Variants in NME9 observed in about 807,000 individuals in gnomAD.
The protein encoded by NME9 is thioredoxin domain-containing protein 6.
In NME9, 48 loss-of-function variants were observed where a neutral mutation model predicts 44.4. That is an observed-to-expected ratio of 1.08 (90% CI 0.86 to 1.37). NME9 has a LOEUF of 1.37. Among genes scored for constraint, NME9 ranks in the 40% most tolerant of loss-of-function variants. The pLI is 0.00. For synonymous variants in NME9, 139 were observed against 147.1 expected, an observed-to-expected ratio of 0.94 and a Z score of 0.40; for missense variants, 325 against 405.2, an observed-to-expected ratio of 0.80 and a Z score of 1.70.
chr3:138,274,809 A>G (rs2049120015), intron 8 of NME9, among the ~76,000 whole-genome samples: 1 of 152,176 alleles, frequency 6.6e-6, no homozygotes, highest in East Asian at 1.9e-4. Context: ...AGGAGCAGTC[A>G]CCTTTCATCA....
chr3:138,310,015 CAA>C (rs764498144), intron 6 of NME9, among the ~76,000 whole-genome samples: 1 of 130,204 alleles, frequency 7.7e-6, no homozygotes. Flanking sequence ...AACTCCATCT[CAA>C]AAAAAAAAAA....
In NME9 at chr3:138,303,472, AT is replaced by A. The variant is rs752707767; in HGVS notation, c.928+34del. 1.9e-6 allele frequency: 3 copies of A among 1,571,628 alleles called. No individual in the cohort carries two copies. In the South Asian group the frequency reaches 3.3e-5, roughly 17 times the overall value. On this transcript the variant is annotated intron_variant, in intron 10 of 10. Transcript: ENST00000333911. ...TAGTTACAAATTCCTTGTATCTATGATTTAATAAAGACCAAGTCTGCCTTGA... is the reference window on the plus strand; with the variant it reads ...TAGTTACAAATTCCTTGTATCTATGATTAATAAAGACCAAGTCTGCCTTGA...
At chr3:138,324,486 C>T (rs2053653470) in intron 2 of NME9, 1 of 462,712 alleles carries the variant, frequency 2.2e-6, no homozygotes, top group Non-Finnish European at 4.3e-6. Flanking sequence ...CCTGCTGTTT[C>T]CTAATGACTG....
chr3:138,300,701 TCAGC>T, downstream of NME9, among the ~76,000 whole-genome samples: 1 of 152,246 alleles, frequency 6.6e-6, no homozygotes, highest in Non-Finnish European at 1.5e-5. Context: ...AATTTAAGTG[TCAGC>T]CAGAATCAGA....
intron 8 of NME9, chr3:138,262,637 G>T: frequency 6.6e-7 from 1 of 1,510,712 alleles, no homozygotes; most frequent in South Asian, 1.3e-5. Flanking sequence ...CCCTGACCCT[G>T]GAGAATCTAA....
At chr3:138,296,263 C>T (rs1226909462), downstream of NME9, 2 of 172,186 alleles carry the variant, frequency 1.2e-5, no homozygotes, top group Admixed American at 6.3e-5. Flanking sequence ...CGTACATGGG[C>T]CAGAATGAAT....
chr3:138,281,219 T>G lies in NME9; in HGVS notation c.746-18633A>C, dbSNP rs73227570. Among the ~76,000 whole-genome samples the G allele has an allele frequency of 8.4e-3, 1,268 of 150,704 alleles. 7 individuals carry two copies. The highest frequency in any genetic ancestry group is 0.013 in the African/African-American group (527 of 41,154). On this transcript the variant is annotated intron_variant, in intron 8 of 8. Coordinates refer to the NME9 transcript ENST00000317876. ...AATATGCGTACATTAATGGTGTGGG[T>G]GTGTGTGTGTGTGTGTAGTTTTTAT...
intron 8 of NME9, among the ~76,000 whole-genome samples, chr3:138,282,586 C>T (rs902424562): frequency 2.9e-5 from 4 of 139,052 alleles, no homozygotes; most frequent in Non-Finnish European, 4.5e-5. Context: ...GCAGAGGTTG[C>T]GGTGAGCCCA....
intron 8 of NME9, among the ~76,000 whole-genome samples, chr3:138,265,262 C>G (rs2048170117): frequency 6.6e-6 from 1 of 151,878 alleles, no homozygotes; most frequent in Non-Finnish European, 1.5e-5. Context: ...TTTTGTCCCC[C>G]CCAAAAAAGG....
rs766000842 is a variant in NME9 at position 138,318,213 on chromosome 3, C to A, written c.202G>T (p.Ala68Ser). 1.9e-6 allele frequency: 3 copies of A among 1,611,010 alleles called. No individual in the cohort carries two copies. In the African/African-American group the frequency reaches 4.0e-5, roughly 22 times the overall value. ...LDLLHFALAE[A>S]DRLDVLEKYR... ...TTTTCGAGGACATCAAGACGATCTG[C>A]CTCTGCCTAAAGAAAGCCACTATCA... Residue 68 changes from alanine to serine, a missense_variant, in exon 4 of 11, where the codon GCA becomes TCA. Ala to Ser is a moderately conservative substitution (Grantham distance 99). Transcript: ENST00000333911.
chr3:138,289,029 TC>T, intron 8 of NME9: 1 of 1,603,544 alleles, frequency 6.2e-7, no homozygotes, highest in Admixed American at 1.7e-5. Flanking sequence ...GATTTTTTTT[TC>T]TTTTTCTGTA....
chr3:138,274,606 G>A (rs2049096370), intron 8 of NME9: 2 of 1,232,934 alleles, frequency 1.6e-6, no homozygotes, highest in South Asian at 2.5e-5. Flanking sequence ...AAGTTCTTAA[G>A]AGTCTCCTGA....
chr3:138,281,322 C>T (rs1236745817), intron 8 of NME9, among the ~76,000 whole-genome samples: 3 of 150,006 alleles, frequency 2.0e-5, no homozygotes, highest in East Asian at 2.0e-4. Context: ...GATAGAGAGT[C>T]TCACTCTGTT....
At chr3:138,271,577 A>G (rs1043763593) in intron 8 of NME9, among the ~76,000 whole-genome samples, 5 of 152,176 alleles carry the variant, frequency 3.3e-5, no homozygotes, top group African/African-American at 7.2e-5. Context: ...GTCAGTCTTC[A>G]TATTACCAGC....
At chr3:138,322,669 T>C (rs1218422100) in intron 2 of NME9, among the ~76,000 whole-genome samples, 1 of 152,134 alleles carries the variant, frequency 6.6e-6, no homozygotes. Context: ...CACATATCTA[T>C]GTATTTATAT....
At chr3:138,306,278 C>G in intron 7 of NME9, 120 bp downstream of exon 7, 1 of 892,462 alleles carries the variant, frequency 1.1e-6, no homozygotes, top group Admixed American at 1.9e-5. Context: ...GGAACTTGAG[C>G]TACAACCCCT....
chr3:138,324,263 T>C (rs534429796), intron 2 of NME9: 34 of 331,124 alleles, frequency 1.0e-4, no homozygotes, highest in African/African-American at 5.4e-4. Flanking sequence ...CTGCTCCTCG[T>C]TGAGCCTTGA....
At chr3:138,292,164 G>A (rs1227770185) in intron 8 of NME9, among the ~76,000 whole-genome samples, 3 of 151,970 alleles carry the variant, frequency 2.0e-5, no homozygotes, top group Non-Finnish European at 4.4e-5. Flanking sequence ...CAGCCTCCCA[G>A]GTAGCTGGGA....
At chr3:138,276,446 G>C (rs376572253) in intron 8 of NME9, among the ~76,000 whole-genome samples, 17 of 152,114 alleles carry the variant, frequency 1.1e-4, no homozygotes, top group African/African-American at 3.9e-4. Flanking sequence ...GTTCAACATT[G>C]TGCTGGAATT....
Sources: allele counts gnomAD v4.1 joint callset (sites outside exome capture counted in the v4.1 genomes callset), GRCh38; gene constraint gnomAD v4.1.1; transcripts MANE v1.5; gene names NCBI Gene and HGNC (gene_info 2026-07-23, HGNC 2026-07-21).